The following TXNRD3 variants were observed in gnomAD, a reference collection of about 807,000 sequenced individuals.
TXNRD3 encodes TXNRD3 neighbor gene protein.
TXNRD3 carries 68 observed loss-of-function variants against 78.2 expected under a neutral mutation model. The observed-to-expected ratio is 0.87, with a 90% CI of 0.72 to 1.06. The LOEUF is 1.06. TXNRD3 is among the 50% of genes least tolerant of loss of function. The probability of loss-of-function intolerance (pLI) is 0.00; values close to 1 mark genes in which losing one functional copy is unlikely to be tolerated. For synonymous variants in TXNRD3, 296 were observed against 300.1 expected, an observed-to-expected ratio of 0.99 and a Z score of 0.14; for missense variants, 751 against 809.5, an observed-to-expected ratio of 0.93 and a Z score of 0.88.
rs574638686 is a variant in TXNRD3, at chr3:126,631,176, A to C, written c.972-239T>G. Among the ~76,000 whole-genome samples, 3 of 149,332 alleles carry C rather than the reference A, an allele frequency of 2.0e-5. No homozygotes were observed. The South Asian group carries it at 6.5e-4, about 32-fold the overall frequency. On this transcript the variant is annotated intron_variant, in intron 8 of 15. Transcript: ENST00000524230. ...TTTTTTAAAAAATAAAATAGTATAGAAAATATCAGACTACATTACATGTGA... is the reference window on the plus strand; with the variant it reads ...TTTTTTAAAAAATAAAATAGTATAGCAAATATCAGACTACATTACATGTGA...
chr3:126,615,862 T>C (rs1017891735), intron 12 of TXNRD3, among the ~76,000 whole-genome samples: 1 of 152,240 alleles, frequency 6.6e-6, no homozygotes, highest in Admixed American at 6.5e-5. Context: ...GCTACTTCAG[T>C]GGAAGCTGAG....
intron 10 of TXNRD3, 24 bp downstream of exon 10, chr3:126,629,355 A>G (rs1242129081): frequency 1.4e-6 from 2 of 1,450,980 alleles, no homozygotes; most frequent in Non-Finnish European, 1.9e-6. Flanking sequence ...TCAATAACTT[A>G]GTAATGATAA....
chr3:126,643,692 T>A (rs573284792), intron 5 of TXNRD3, among the ~76,000 whole-genome samples: 1 of 152,120 alleles, frequency 6.6e-6, no homozygotes, highest in Non-Finnish European at 1.5e-5. Flanking sequence ...GTTAACTATA[T>A]CCTCACTAAG....
At chr3:126,610,031 G>C (rs1252441758) in intron 14 of TXNRD3, among the ~76,000 whole-genome samples, 1 of 152,124 alleles carries the variant, frequency 6.6e-6, no homozygotes, top group Non-Finnish European at 1.5e-5. Context: ...TGCCCAACCT[G>C]GAGCATTTCA....
intron 1 of TXNRD3, among the ~76,000 whole-genome samples, chr3:126,650,248 T>C (rs1162976232): frequency 2.0e-5 from 3 of 152,240 alleles, no homozygotes; most frequent in Non-Finnish European, 4.4e-5. Context: ...CCTAGTTTCA[T>C]ATGATGGCTA....
chr3:126,635,696 C>A (rs1234302717), intron 6 of TXNRD3, among the ~76,000 whole-genome samples: 2 of 152,102 alleles, frequency 1.3e-5, no homozygotes, highest in Non-Finnish European at 2.9e-5. Context: ...ATTGAGACAT[C>A]CTCTATAAAA....
intron 6 of TXNRD3, among the ~76,000 whole-genome samples, chr3:126,641,525 T>C (rs1033337492): frequency 5.3e-5 from 8 of 152,166 alleles, no homozygotes; most frequent in African/African-American, 1.9e-4. Flanking sequence ...CATGGCTAAT[T>C]TGAGTGCACT....
chr3:126,642,902 A>G (rs1559778902), intron 5 of TXNRD3, among the ~76,000 whole-genome samples: 1 of 152,246 alleles, frequency 6.6e-6, no homozygotes, highest in Non-Finnish European at 1.5e-5. Flanking sequence ...AAAAGAGAAG[A>G]CACACTTGAG....
chr3:126,651,220 G>C lies in TXNRD3; in HGVS notation c.243+3528C>G, dbSNP rs149377319. On this transcript the variant is annotated intron_variant, in intron 1 of 15. Coordinates refer to ENST00000524230, the MANE Select transcript of TXNRD3 (RefSeq NM_052883.3). ...GCCACATGTAAAGACGGACATGTAA[G>C]AAAGCAGGCTACTCAGTCAAGCAAG... Among the ~76,000 whole-genome samples the C allele has an allele frequency of 4.0e-3, 614 of 152,288 alleles. 4 individuals are homozygous for C. Among genetic ancestry groups the C allele is most frequent in the African/African-American group, 0.014 (573 of 41,556 alleles).
At chr3:126,647,196 T>C (rs1225083871) in intron 2 of TXNRD3, 40 bp downstream of exon 2, 7 of 1,426,704 alleles carry the variant, frequency 4.9e-6, no homozygotes, top group South Asian at 4.0e-5. Flanking sequence ...CTCGCTGGCA[T>C]TTATTATAAA....
At chr3:126,618,593 C>T (rs188353104) in intron 12 of TXNRD3, among the ~76,000 whole-genome samples, 388 of 152,116 alleles carry the variant, frequency 2.6e-3, no homozygotes, top group Non-Finnish European at 4.2e-3. Flanking sequence ...AAATATAAGT[C>T]CCCAAATTAT....
chr3:126,615,607 A>C, intron 12 of TXNRD3, 145 bp from the exon 13 acceptor site: 1 of 425,094 alleles, frequency 2.4e-6, no homozygotes, highest in Non-Finnish European at 4.1e-6. Flanking sequence ...GAAAACTCTA[A>C]GGTACCTTAA....
chr3:126,610,477 A>G (rs1938174671), intron 14 of TXNRD3, among the ~76,000 whole-genome samples: 1 of 152,240 alleles, frequency 6.6e-6, no homozygotes, highest in Non-Finnish European at 1.5e-5. Context: ...GGAGGAGGAA[A>G]GCCTCCAATA....
At chr3:126,641,919 A>G in intron 6 of TXNRD3, 113 bp downstream of exon 6, 1 of 1,281,308 alleles carries the variant, frequency 7.8e-7, no homozygotes, top group Non-Finnish European at 1.0e-6. Flanking sequence ...TTCCTAATGA[A>G]TGTTCATTAA....
chr3:126,633,310 C>T (rs940553681), intron 7 of TXNRD3, among the ~76,000 whole-genome samples: 8 of 152,056 alleles, frequency 5.3e-5, no homozygotes, highest in African/African-American at 9.7e-5. Context: ...CAGCTGAATA[C>T]AAAATAATCT....
At chr3:126,620,224 G>A (rs1938417051) in intron 12 of TXNRD3, among the ~76,000 whole-genome samples, 1 of 151,256 alleles carries the variant, frequency 6.6e-6, no homozygotes, top group African/African-American at 2.4e-5. Flanking sequence ...GAACCCAGGA[G>A]GCGGAGCTTG....
intron 5 of TXNRD3, among the ~76,000 whole-genome samples, chr3:126,643,487 C>T (rs1933143521): frequency 6.6e-6 from 1 of 152,150 alleles, no homozygotes; most frequent in Non-Finnish European, 1.5e-5. Flanking sequence ...AATTATGAAA[C>T]CGACACAGAA....
chr3:126,610,562 T>A (rs1172482498), intron 14 of TXNRD3, among the ~76,000 whole-genome samples: 1 of 152,196 alleles, frequency 6.6e-6, no homozygotes, highest in Non-Finnish European at 1.5e-5. Flanking sequence ...AACATCTCCA[T>A]CTAAAGACTT....
chr3:126,647,186 C>A lies in TXNRD3; in HGVS notation c.304+50G>T, dbSNP rs1008713992. ...ACAAAGTAAATGGAAAGAAGTCAAT[C>A]TCGCTGGCATTTATTATAAACAACA... On this transcript the variant is annotated intron_variant, in intron 2 of 15. Transcript: ENST00000524230. 7 of 1,361,392 alleles carry A rather than the reference C, an allele frequency of 5.1e-6. No homozygotes were observed. The African/African-American group carries it at 1.0e-4, about 20-fold the overall frequency. 84.3% of individuals were successfully genotyped at this position (1,361,392 alleles called of 1,614,324 possible).
Sources: allele counts gnomAD v4.1 joint callset (sites outside exome capture counted in the v4.1 genomes callset), GRCh38; gene constraint gnomAD v4.1.1; transcripts MANE v1.5; gene names NCBI Gene and HGNC (gene_info 2026-07-23, HGNC 2026-07-21).